Variants in FBXL7 observed in about 807,000 individuals in gnomAD.
The protein encoded by FBXL7 is F-box and leucine rich repeat protein 7.
Under a neutral mutation model 38.3 loss-of-function variants are expected in FBXL7, and 12 were observed. That is an observed-to-expected ratio of 0.31 (90% CI 0.20 to 0.51). The LOEUF is 0.51. Among genes scored for constraint, FBXL7 ranks in the 20% least tolerant of loss-of-function variants. The pLI is 0.98. For missense variants in FBXL7, 567 were observed against 676.4 expected, an observed-to-expected ratio of 0.84 and a Z score of 1.79; for synonymous variants, 297 against 300.9, an observed-to-expected ratio of 0.99 and a Z score of 0.13.
intron 2 of FBXL7, among the ~76,000 whole-genome samples, chr5:15,851,850 A>G (rs257743): frequency 0.74 from 104,977 of 142,192 alleles, 41,708 homozygotes; most frequent in East Asian, 0.84. Flanking sequence ...ACACACACAC[A>G]AAGTTCCTTG....
chr5:15,548,098 C>G (rs1238512283), intron 1 of FBXL7, among the ~76,000 whole-genome samples: 1 of 152,150 alleles, frequency 6.6e-6, no homozygotes. Context: ...CCTAAATCAA[C>G]AATAGACTAT....
chr5:15,562,867 A>G (rs1184261415), intron 1 of FBXL7, among the ~76,000 whole-genome samples: 4 of 152,176 alleles, frequency 2.6e-5, no homozygotes, highest in Admixed American at 2.6e-4. Context: ...TTCCAGGTGG[A>G]GACACAGATG....
intron 2 of FBXL7, among the ~76,000 whole-genome samples, chr5:15,649,159 G>T (rs777571816): frequency 1.3e-5 from 2 of 152,030 alleles, no homozygotes; most frequent in African/African-American, 4.8e-5. Context: ...ACCACACCCA[G>T]CTAACTTTTA....
chr5:15,691,486 A>G (rs1743182622), intron 2 of FBXL7, among the ~76,000 whole-genome samples: 1 of 152,074 alleles, frequency 6.6e-6, no homozygotes. Flanking sequence ...TTCCTGTTGT[A>G]GGCAACCAGT....
rs578055471 is a variant in FBXL7, at chr5:15,727,496, G to A, written c.127+111424G>A. On this transcript the variant is annotated intron_variant, in intron 2 of 3. Coordinates refer to ENST00000504595, the MANE Select transcript of FBXL7 (RefSeq NM_012304.5). ...GATATTGGATTCTTGGGTTGGCAAG[G>A]TTTTTTTGTTTTGTTTTTTAGTTTT... Among the ~76,000 whole-genome samples, 7 of 152,194 alleles carry A rather than the reference G, an allele frequency of 4.6e-5. No individual in the cohort carries two copies. In the South Asian group the frequency reaches 1.5e-3, roughly 32 times the overall value.
chr5:15,832,924 G>A (rs1487673212), intron 2 of FBXL7, among the ~76,000 whole-genome samples: 1 of 151,916 alleles, frequency 6.6e-6, no homozygotes, highest in Non-Finnish European at 1.5e-5. Context: ...TAACCATAGG[G>A]GCGGGTCTTT....
intron 1 of FBXL7, among the ~76,000 whole-genome samples, chr5:15,541,371 C>CAT (rs574964691): frequency 1.3e-4 from 18 of 140,100 alleles, no homozygotes; most frequent in South Asian, 4.6e-4. Context: ...TATATATACA[C>CAT]ATATATATAT....
chr5:15,829,768 A>G (rs1738404899), intron 2 of FBXL7, among the ~76,000 whole-genome samples: 1 of 152,228 alleles, frequency 6.6e-6, no homozygotes, highest in African/African-American at 2.4e-5. Flanking sequence ...CAGTGGGATC[A>G]TAACTTTGAA....
chr5:15,543,543 A>G (rs770328955), intron 1 of FBXL7, among the ~76,000 whole-genome samples: 20 of 152,200 alleles, frequency 1.3e-4, no homozygotes, highest in Non-Finnish European at 2.2e-4. Context: ...AGGCATGGGA[A>G]TGGACATTCC....
intron 2 of FBXL7, among the ~76,000 whole-genome samples, chr5:15,797,896 G>C (rs1274496543): frequency 6.6e-6 from 1 of 152,184 alleles, no homozygotes; most frequent in Non-Finnish European, 1.5e-5. Context: ...TCAGTCATAG[G>C]AAATATTGGC....
chr5:15,920,129 C>T (rs554842918), intron 2 of FBXL7, among the ~76,000 whole-genome samples: 14 of 152,162 alleles, frequency 9.2e-5, no homozygotes, highest in South Asian at 8.3e-4. Context: ...TGCTGGCAGG[C>T]GCCTGTAATC....
intron 1 of FBXL7, among the ~76,000 whole-genome samples, chr5:15,604,857 A>G (rs1048673507): frequency 2.0e-5 from 3 of 152,100 alleles, no homozygotes; most frequent in Non-Finnish European, 4.4e-5. Context: ...CCACAGAGAA[A>G]GTGATGAGTC....
chr5:15,556,487 G>A (rs1456234327), intron 1 of FBXL7, among the ~76,000 whole-genome samples: 1 of 152,134 alleles, frequency 6.6e-6, no homozygotes, highest in Non-Finnish European at 1.5e-5. Context: ...GACATGCCCA[G>A]AAATAAAGTT....
At chr5:15,814,632 T>TA (rs559983315) in intron 2 of FBXL7, among the ~76,000 whole-genome samples, 1 of 152,108 alleles carries the variant, frequency 6.6e-6, no homozygotes, top group Non-Finnish European at 1.5e-5. Flanking sequence ...TTTTGCATTG[T>TA]AAAAAAATTT....
Position 15,530,701 on chromosome 5 carries a change from A to G in FBXL7, c.37+29988A>G, listed in dbSNP as rs371545918. Among the ~76,000 whole-genome samples, 9 of 152,342 alleles carry G rather than the reference A, an allele frequency of 5.9e-5. No individual in the cohort carries two copies. In the East Asian group the frequency reaches 1.2e-3, roughly 20 times the overall value. ...ACAAAGTTCAGGAGAAATGAGGTAC[A>G]AGCTTCTGGGTGACCTCTTCCAGTG... On this transcript the variant is annotated intron_variant, in intron 1 of 3. Coordinates refer to ENST00000504595, the MANE Select transcript of FBXL7 (RefSeq NM_012304.5).
At chr5:15,732,772 G>A (rs189097068) in intron 2 of FBXL7, among the ~76,000 whole-genome samples, 125 of 152,276 alleles carry the variant, frequency 8.2e-4, no homozygotes, top group African/African-American at 2.9e-3. Flanking sequence ...TCAACTTGCT[G>A]AAGTCAGATA....
chr5:15,783,806 G>A (rs1053009479), intron 2 of FBXL7, among the ~76,000 whole-genome samples: 1 of 152,170 alleles, frequency 6.6e-6, no homozygotes, highest in Non-Finnish European at 1.5e-5. Flanking sequence ...GAGAGCACCA[G>A]AAAGCATAAT....
intron 2 of FBXL7, among the ~76,000 whole-genome samples, chr5:15,664,489 T>A (rs1436906896): frequency 6.8e-6 from 1 of 147,598 alleles, no homozygotes; most frequent in Non-Finnish European, 1.5e-5. Flanking sequence ...TTTTTTTTTT[T>A]TTGAGACAGT....
chr5:15,742,786 TAAAGG>T (rs1363773989), intron 2 of FBXL7, among the ~76,000 whole-genome samples: 1 of 152,146 alleles, frequency 6.6e-6, no homozygotes, highest in African/African-American at 2.4e-5. Context: ...GAGTAATTTA[TAAAGG>T]AAAGAGGTCT....
Sources: allele counts gnomAD v4.1 joint callset (sites outside exome capture counted in the v4.1 genomes callset), GRCh38; gene constraint gnomAD v4.1.1; transcripts MANE v1.5; gene names NCBI Gene and HGNC (gene_info 2026-07-23, HGNC 2026-07-21).